PIWIL1: variants seen among roughly 807,000 people sequenced by gnomAD.
PIWIL1 encodes the protein piwi-like protein 1.
PIWIL1 carries 73 observed loss-of-function variants against 114.4 expected under a neutral mutation model. The ratio of observed to expected loss-of-function variants is 0.64; its 90% CI spans 0.53 to 0.78. The LOEUF (loss-of-function observed/expected upper bound fraction) is 0.78, where lower values mean the gene tolerates loss of function less well. Among genes scored for constraint, PIWIL1 ranks in the 30% least tolerant of loss-of-function variants. The pLI is 0.00. For synonymous variants in PIWIL1, 375 were observed against 369.0 expected (o/e 1.02, Z -0.19); for missense variants, 723 against 1,063.1 (o/e 0.68, Z 4.45).
intron 4 of PIWIL1, 63 bp downstream of exon 4, chr12:130,345,941 G>T: frequency 6.4e-7 from 1 of 1,563,412 alleles, no homozygotes; most frequent in South Asian, 1.2e-5. Context: ...AGTGAATTGA[G>T]GCACTTTAGT....
At chr12:130,342,427 T>G in intron 1 of PIWIL1, 153 bp from the exon 2 acceptor site, 1 of 615,766 alleles carries the variant, frequency 1.6e-6, no homozygotes, top group Non-Finnish European at 2.9e-6. Context: ...AATGTTACAT[T>G]AAAAAAAACT....
the PIWIL1 span, chr12:130,424,587 G>C: frequency 8.1e-7 from 1 of 1,231,966 alleles, no homozygotes; most frequent in African/African-American, 1.6e-5. This position sits in a 1 kb window ranked among gnomAD's most constrained non-coding sequence, Gnocchi z 9.8. Context: ...CTCCACGTGG[G>C]GGACGGCCCC....
the PIWIL1 span, among the ~76,000 whole-genome samples, chr12:130,386,077 G>A: frequency 1.3e-5 from 2 of 152,306 alleles, no homozygotes; most frequent in Middle Eastern, 3.4e-3. Context: ...TACCACACAT[G>A]CTGTGGTTTG....
the PIWIL1 span, chr12:130,399,628 A>G: frequency 6.2e-7 from 1 of 1,602,546 alleles, no homozygotes; most frequent in Admixed American, 1.7e-5. Context: ...GTATTAGACC[A>G]CATATGGCAG....
intron 1 of PIWIL1, among the ~76,000 whole-genome samples, chr12:130,339,229 C>T (rs865962325): frequency 1.3e-5 from 2 of 152,028 alleles, no homozygotes; most frequent in African/African-American, 2.4e-5. Flanking sequence ...GCTGGCGGCC[C>T]GGCCCTTGGC....
chr12:130,405,683 G>A, the PIWIL1 span, among the ~76,000 whole-genome samples: 2 of 151,918 alleles, frequency 1.3e-5, no homozygotes, highest in African/African-American at 2.4e-5. Context: ...GGGTGGGGGC[G>A]GGGTGGGGGG....
At chr12:130,420,006 G>C in the PIWIL1 span, among the ~76,000 whole-genome samples, 7 of 152,216 alleles carry the variant, frequency 4.6e-5, no homozygotes, top group East Asian at 1.3e-3. This position sits in a 1 kb window ranked among gnomAD's most constrained non-coding sequence, Gnocchi z 4.3. Context: ...GAAGTGTATG[G>C]TTTACAGACT....
the PIWIL1 span, among the ~76,000 whole-genome samples, chr12:130,419,161 C>A: frequency 3.9e-5 from 6 of 152,300 alleles, no homozygotes; most frequent in Admixed American, 3.9e-4. This position sits in a 1 kb window ranked among gnomAD's most constrained non-coding sequence, Gnocchi z 4.3. Flanking sequence ...GGCTTCACTG[C>A]AGACTGGACT....
At chr12:130,385,379 T>G in the PIWIL1 span, among the ~76,000 whole-genome samples, 4 of 152,176 alleles carry the variant, frequency 2.6e-5, no homozygotes, top group Admixed American at 2.6e-4. Context: ...TTACGTGGGT[T>G]TTTTAGACTT....
rs756180358 is a variant in PIWIL1, at chr12:130,371,342, T to G, written c.2469+19T>G. On this transcript the variant is annotated intron_variant, in intron 20 of 20. Transcript: ENST00000245255. ...CTGGCCAGTAAGTGCTTCTACTTGT[T>G]GATGTTTAGCAAATAAAGGACATTC... The G allele has an allele frequency of 6.2e-7, 1 of 1,613,976 alleles. No homozygotes were observed. Among genetic ancestry groups the G allele is most frequent in the Non-Finnish European group, 8.5e-7 (1 of 1,179,912 alleles).
chr12:130,424,205 C>T, the PIWIL1 span: 3 of 1,231,896 alleles, frequency 2.4e-6, no homozygotes, highest in Admixed American at 4.2e-5. This position sits in a 1 kb window ranked among gnomAD's most constrained non-coding sequence, Gnocchi z 9.8. Context: ...TACTGTCGGG[C>T]ATGGTTATGC....
chr12:130,384,417 C>A, the PIWIL1 span, among the ~76,000 whole-genome samples: 4 of 152,190 alleles, frequency 2.6e-5, no homozygotes, highest in African/African-American at 9.6e-5. Flanking sequence ...GAGTTGAGAT[C>A]ATCAGGATTG....
the PIWIL1 span, among the ~76,000 whole-genome samples, chr12:130,392,216 A>G: frequency 0.14 from 1,504 of 10,844 alleles, 70 homozygotes; most frequent in Middle Eastern, 0.3. Flanking sequence ...TCAGTTACCC[A>G]GTGAATATTG....
At chr12:130,424,666 G>A in the PIWIL1 span, 35 of 1,231,864 alleles carry the variant, frequency 2.8e-5, no homozygotes, top group Non-Finnish European at 3.5e-5. This position sits in a 1 kb window ranked among gnomAD's most constrained non-coding sequence, Gnocchi z 9.8. Context: ...GGCCTGCCGG[G>A]CCTGGGCTCT....
rs201496957 is a variant in PIWIL1, at chr12:130,342,572, C to G, written c.-12-8C>G. ...TGAGTATTGTCTTCAAGATTGTTTCCTCTCCAGAAATAGAAAACAATGACT... is the reference window on the plus strand; with the variant it reads ...TGAGTATTGTCTTCAAGATTGTTTCGTCTCCAGAAATAGAAAACAATGACT... On this transcript the variant is annotated splice_region_variant and splice_polypyrimidine_tract_variant and intron_variant, in intron 1 of 20. Transcript: ENST00000245255. The G allele has an allele frequency of 1.1e-3, 1,776 of 1,573,150 alleles. 32 individuals are homozygous for G. In the South Asian group the frequency reaches 0.019, roughly 17 times the overall value.
At chr12:130,423,885 C>T in the PIWIL1 span, among the ~76,000 whole-genome samples, 2 of 152,058 alleles carry the variant, frequency 1.3e-5, no homozygotes, top group Non-Finnish European at 2.9e-5. Context: ...TTCAGTTGTC[C>T]TTTAATTCAA....
downstream of PIWIL1, among the ~76,000 whole-genome samples, chr12:130,376,497 A>G (rs764151428): frequency 1.3e-4 from 20 of 152,192 alleles, no homozygotes; most frequent in Non-Finnish European, 2.4e-4. Flanking sequence ...ACCGCATTTG[A>G]CAACCTCTGG....
chr12:130,358,146 G>T (rs1565950141), intron 14 of PIWIL1, among the ~76,000 whole-genome samples: 1 of 152,338 alleles, frequency 6.6e-6, no homozygotes, highest in African/African-American at 2.4e-5. Context: ...TGACTCAGGA[G>T]GGGAGGACTG....
At chr12:130,381,270 A>G in the PIWIL1 span, among the ~76,000 whole-genome samples, 11 of 152,310 alleles carry the variant, frequency 7.2e-5, no homozygotes, top group East Asian at 1.9e-4. Flanking sequence ...GTCCACCATC[A>G]TGGGACGACA....
Sources: gnomAD v4.1 joint callset for allele counts (sites outside exome capture counted in the v4.1 genomes callset) on GRCh38, gnomAD v4.1.1 for gene constraint, Gnocchi (gnomAD v3.1) non-coding constraint, MANE v1.5 for transcripts, NCBI Gene and HGNC (gene_info 2026-07-23, HGNC 2026-07-21) for gene names.